The following GARIN2 variants were observed in gnomAD, a reference collection of about 807,000 sequenced individuals.
The protein encoded by GARIN2 is Golgi-associated RAB2 interactor protein 2.
At chr14:67,201,842 G>A in the GARIN2 span, 1 of 195,404 alleles carries the variant, frequency 5.1e-6, no homozygotes, top group Non-Finnish European at 1.1e-5. Context: ...CTACAGTGTA[G>A]CTCCTCTCTG....
the GARIN2 span, chr14:67,199,532 G>A: frequency 5.6e-6 from 9 of 1,610,904 alleles, no homozygotes; most frequent in Non-Finnish European, 7.6e-6. Context: ...TTCAGTTGCA[G>A]CAATTGAAGC....
chr14:67,208,468 T>G, the GARIN2 span: 1 of 1,600,074 alleles, frequency 6.2e-7, no homozygotes, highest in Non-Finnish European at 8.5e-7. Context: ...GGCAGGAACA[T>G]GCCAAAGGAA....
chr14:67,204,115 T>C, the GARIN2 span, among the ~76,000 whole-genome samples: 2 of 152,122 alleles, frequency 1.3e-5, no homozygotes, highest in Admixed American at 1.3e-4. Context: ...TCTGGTGTCT[T>C]GAGTCTCACT....
At chr14:67,190,874 A>G in the GARIN2 span, among the ~76,000 whole-genome samples, 5 of 152,228 alleles carry the variant, frequency 3.3e-5, no homozygotes. Flanking sequence ...GGGAATAATT[A>G]ACCTCAAAGC....
the GARIN2 span, among the ~76,000 whole-genome samples, chr14:67,212,942 G>A: frequency 1.3e-5 from 2 of 151,596 alleles, no homozygotes; most frequent in South Asian, 2.1e-4. Context: ...GCAAAGCATC[G>A]TTAACTATCT....
chr14:67,206,627 T>C, the GARIN2 span, among the ~76,000 whole-genome samples: 1 of 152,142 alleles, frequency 6.6e-6, no homozygotes, highest in Non-Finnish European at 1.5e-5. Flanking sequence ...AGACAGAACT[T>C]CAAGATGATC....
the GARIN2 span, among the ~76,000 whole-genome samples, chr14:67,194,065 T>G: frequency 6.6e-6 from 1 of 151,280 alleles, no homozygotes; most frequent in South Asian, 2.1e-4. Context: ...TCTCCAGATA[T>G]TCATAGTGAA....
chr14:67,197,053 C>G, the GARIN2 span: 1 of 152,248 alleles, frequency 6.6e-6, no homozygotes, highest in Admixed American at 6.5e-5. Context: ...CTCAACCTCC[C>G]AAGTAGCTGG....
chr14:67,209,541 C>T, the GARIN2 span, among the ~76,000 whole-genome samples: 16 of 151,906 alleles, frequency 1.1e-4, no homozygotes, highest in Non-Finnish European at 8.8e-5. Context: ...CATAATAGGC[C>T]GGGTGTGGTG....
the GARIN2 span, among the ~76,000 whole-genome samples, chr14:67,191,671 GATC>G: frequency 6.6e-6 from 1 of 152,282 alleles, no homozygotes; most frequent in East Asian, 1.9e-4. Context: ...ATGGAGCCTT[GATC>G]ATCCTTGAAA....
the GARIN2 span, among the ~76,000 whole-genome samples, chr14:67,195,445 C>A: frequency 6.5e-4 from 99 of 152,220 alleles, 1 homozygote; most frequent in East Asian, 0.015. Flanking sequence ...GTGGAAAGGG[C>A]CTTTCGCTAT....
chr14:67,190,140 C>T, the GARIN2 span, among the ~76,000 whole-genome samples: 6 of 147,398 alleles, frequency 4.1e-5, no homozygotes, highest in Non-Finnish European at 8.9e-5. Flanking sequence ...GTCTTTAACT[C>T]CTGACCTCAG....
chr14:67,227,484 C>T, the GARIN2 span: 1 of 150,426 alleles, frequency 6.6e-6, no homozygotes, highest in Admixed American at 6.6e-5. Context: ...GCTCCCAAAT[C>T]CTTATATTTT....
the GARIN2 span, chr14:67,189,681 T>G: frequency 1.3e-5 from 2 of 152,072 alleles, no homozygotes; most frequent in African/African-American, 4.8e-5. Context: ...TTTTCCATCT[T>G]CCTCTTCTCC....
the GARIN2 span, among the ~76,000 whole-genome samples, chr14:67,206,425 G>A: frequency 3.3e-5 from 5 of 152,142 alleles, no homozygotes; most frequent in South Asian, 4.1e-4. Flanking sequence ...GAAACCGGGA[G>A]GTGGAGGTTG....
chr14:67,208,380 T>C, the GARIN2 span: 2 of 1,613,878 alleles, frequency 1.2e-6, no homozygotes, highest in African/African-American at 2.7e-5. Context: ...TCCAAGGAGA[T>C]GAAGGATAAG....
the GARIN2 span, among the ~76,000 whole-genome samples, chr14:67,214,341 T>C: frequency 6.6e-6 from 1 of 152,212 alleles, no homozygotes; most frequent in East Asian, 1.9e-4. Context: ...TTAATTTTTG[T>C]ATAAGGTGTA....
the GARIN2 span, chr14:67,196,986 T>A: frequency 6.6e-6 from 1 of 152,128 alleles, no homozygotes; most frequent in Non-Finnish European, 1.5e-5. Context: ...TGGAGTGCAG[T>A]GACAAGATCA....
At chr14:67,199,028 A>C in the GARIN2 span, 1 of 721,228 alleles carries the variant, frequency 1.4e-6, no homozygotes, top group Non-Finnish European at 2.5e-6. Context: ...GACACTTCAA[A>C]AGGCAAGAAG....
Sources: allele counts gnomAD v4.1 joint callset (sites outside exome capture counted in the v4.1 genomes callset), GRCh38; gene constraint gnomAD v4.1.1; transcripts MANE v1.5; gene names NCBI Gene and HGNC (gene_info 2026-07-23, HGNC 2026-07-21).